The following MLLT3 variants were observed in gnomAD, a reference collection of about 807,000 sequenced individuals.
MLLT3 encodes MLLT3 super elongation complex subunit, also known as protein AF-9.
MLLT3 carries 4 observed loss-of-function variants against 53.2 expected under a neutral mutation model. The ratio of observed to expected loss-of-function variants is 0.08; its 90% CI spans 0.04 to 0.17. The LOEUF is 0.17. MLLT3 is among the 10% of genes least tolerant of loss of function. The pLI is 1.00. For missense variants in MLLT3, 569 were observed against 684.0 expected, an observed-to-expected ratio of 0.83 and a Z score of 1.87; for synonymous variants, 283 against 230.6, an observed-to-expected ratio of 1.23 and a Z score of -2.06.
intron 2 of MLLT3, among the ~76,000 whole-genome samples, chr9:20,555,689 C>T (rs1190346202): frequency 2.0e-5 from 3 of 152,168 alleles, no homozygotes; most frequent in African/African-American, 7.2e-5. Context: ...ACCTCTCAGC[C>T]ACCACCCTCC....
intron 2 of MLLT3, among the ~76,000 whole-genome samples, chr9:20,485,909 G>T (rs961276166): frequency 2.0e-5 from 3 of 152,038 alleles, no homozygotes; most frequent in African/African-American, 4.8e-5. Context: ...ATTATAACAG[G>T]GTTGAGCAAA....
intron 4 of MLLT3, among the ~76,000 whole-genome samples, chr9:20,444,063 C>A (rs569808965): frequency 1.3e-5 from 2 of 152,252 alleles, no homozygotes; most frequent in South Asian, 2.1e-4. Flanking sequence ...TTTGCCAACA[C>A]CCCAAAGAAA....
chr9:20,517,163 C>G (rs868029129), intron 2 of MLLT3, among the ~76,000 whole-genome samples: 5 of 152,070 alleles, frequency 3.3e-5, no homozygotes, highest in African/African-American at 1.2e-4. Flanking sequence ...ATTATAATGT[C>G]ATTGGAATTT....
At chr9:20,609,598 A>C (rs1044891686) in intron 2 of MLLT3, among the ~76,000 whole-genome samples, 2 of 152,166 alleles carry the variant, frequency 1.3e-5, no homozygotes, top group Non-Finnish European at 2.9e-5. Flanking sequence ...CATGGTCAAG[A>C]GCCATAATTG....
chr9:20,590,528 T>TTGTC (rs916281935), intron 2 of MLLT3, among the ~76,000 whole-genome samples: 2 of 152,186 alleles, frequency 1.3e-5, no homozygotes, highest in Admixed American at 6.5e-5. Context: ...CTCGTGTTCA[T>TTGTC]TGTCTGTCTG....
At chr9:20,539,513 T>C (rs1015847911) in intron 2 of MLLT3, among the ~76,000 whole-genome samples, 1 of 152,150 alleles carries the variant, frequency 6.6e-6, no homozygotes, top group African/African-American at 2.4e-5. Context: ...GCACACCTTA[T>C]AGGACAGCAG....
At chr9:20,467,520 G>C (rs1824266288) in intron 2 of MLLT3, among the ~76,000 whole-genome samples, 1 of 152,222 alleles carries the variant, frequency 6.6e-6, no homozygotes, top group Non-Finnish European at 1.5e-5. Context: ...GGAGGCTGCT[G>C]TGAGCCGAGA....
rs145638509 is a variant in MLLT3, at chr9:20,367,963, C to T, written c.1126-2219G>A. On this transcript the variant is annotated intron_variant, in intron 5 of 10. Coordinates refer to ENST00000380338, the MANE Select transcript of MLLT3 (RefSeq NM_004529.4). ...CACTTTATTCCTAATGCACAATTCACATCCTCAGGCTTGATGGGAAAGCAG... is the reference window on the plus strand; with the variant it reads ...CACTTTATTCCTAATGCACAATTCATATCCTCAGGCTTGATGGGAAAGCAG... 8.5e-5 allele frequency among the ~76,000 whole-genome samples: 13 copies of T among 152,344 alleles called. No individual in the cohort carries two copies. In the East Asian group the frequency reaches 1.7e-3, roughly 20 times the overall value.
intron 2 of MLLT3, among the ~76,000 whole-genome samples, chr9:20,479,128 G>T (rs1824599786): frequency 6.6e-6 from 1 of 152,094 alleles, no homozygotes; most frequent in African/African-American, 2.4e-5. Context: ...GGGTAATTTG[G>T]AAAGAACGAT....
At chr9:20,482,732 G>A (rs1563779804) in intron 2 of MLLT3, among the ~76,000 whole-genome samples, 1 of 152,112 alleles carries the variant, frequency 6.6e-6, no homozygotes, top group Non-Finnish European at 1.5e-5. Context: ...GGCATTAGCG[G>A]ATTGTTTTCA....
intron 2 of MLLT3, among the ~76,000 whole-genome samples, chr9:20,489,587 TG>T (rs1261186298): frequency 6.6e-6 from 1 of 152,166 alleles, no homozygotes; most frequent in Admixed American, 6.6e-5. Flanking sequence ...CTGGAGCAAT[TG>T]GCTAACTTTA....
At chr9:20,483,242 T>TTA (rs1376802643) in intron 2 of MLLT3, among the ~76,000 whole-genome samples, 1 of 9,772 alleles carries the variant, frequency 1.0e-4, no homozygotes, top group Non-Finnish European at 1.7e-4. Context: ...ATTATTATTA[T>TTA]TTTTTTTTTT....
chr9:20,374,861 C>T (rs1306795716), intron 5 of MLLT3, among the ~76,000 whole-genome samples: 1 of 152,104 alleles, frequency 6.6e-6, no homozygotes. Context: ...AGCCTTAACC[C>T]CCAGTGTCCC....
At chr9:20,373,243 CACATACTCCTCT>C in intron 5 of MLLT3, among the ~76,000 whole-genome samples, 1 of 152,272 alleles carries the variant, frequency 6.6e-6, no homozygotes, top group East Asian at 1.9e-4. Flanking sequence ...TACAATAGGT[CACATACTCCTCT>C]ACTGCCTAAT....
intron 2 of MLLT3, among the ~76,000 whole-genome samples, chr9:20,540,643 TC>T (rs1303928327): frequency 2.0e-5 from 3 of 152,136 alleles, no homozygotes; most frequent in Non-Finnish European, 4.4e-5. Context: ...AGCAGCAGGG[TC>T]CTGGGCCTGG....
In MLLT3 at chr9:20,413,982, T is replaced by C. The variant is rs768872124; in HGVS notation, c.864A>G (p.Ser288=). 2 of 1,613,996 alleles carry C rather than the reference T, an allele frequency of 1.2e-6. No homozygotes were observed. The highest frequency in any genetic ancestry group is 2.2e-5 in the East Asian group (1 of 44,896). ...TTTTGGCTGAGAGTTCTTCAGAATCTGAAATGGGCGGCCTTTTACTAGGAG... is the reference window on the plus strand; with the variant it reads ...TTTTGGCTGAGAGTTCTTCAGAATCCGAAATGGGCGGCCTTTTACTAGGAG... ...KKAPSKRPPI[S]DSEELSAKKR... Residue 288 remains serine, a synonymous_variant, in exon 5 of 11, where the codon TCA becomes TCG. Coordinates refer to ENST00000380338, the MANE Select transcript of MLLT3 (RefSeq NM_004529.4).
intron 5 of MLLT3, among the ~76,000 whole-genome samples, chr9:20,379,296 C>T (rs1821851430): frequency 6.6e-6 from 1 of 152,064 alleles, no homozygotes; most frequent in Non-Finnish European, 1.5e-5. Context: ...AGAAGCACAA[C>T]ACTTTAAATA....
chr9:20,480,301 G>A (rs965373580), intron 2 of MLLT3, among the ~76,000 whole-genome samples: 6 of 152,132 alleles, frequency 3.9e-5, no homozygotes, highest in African/African-American at 9.7e-5. Context: ...CTTCATTTCA[G>A]GGGGCCTAAA....
intron 2 of MLLT3, among the ~76,000 whole-genome samples, chr9:20,535,178 T>G (rs1311854064): frequency 2.6e-5 from 4 of 152,216 alleles, no homozygotes; most frequent in African/African-American, 4.8e-5. Flanking sequence ...GGCATTAGAT[T>G]GTTTCTCATA....
Sources: allele counts gnomAD v4.1 joint callset (sites outside exome capture counted in the v4.1 genomes callset), GRCh38; gene constraint gnomAD v4.1.1; transcripts MANE v1.5; gene names NCBI Gene and HGNC (gene_info 2026-07-23, HGNC 2026-07-21).